The following BET1L variants were observed in gnomAD, a reference collection of about 807,000 sequenced individuals.
BET1L encodes Bet1 golgi vesicular membrane trafficking protein like.
Under a neutral mutation model 12.6 loss-of-function variants are expected in BET1L, and 13 were observed. The ratio of observed to expected loss-of-function variants is 1.03; its 90% CI spans 0.67 to 1.64. The LOEUF (loss-of-function observed/expected upper bound fraction) is 1.64, where lower values mean the gene tolerates loss of function less well. BET1L is among the 40% of genes most tolerant of loss of function. BET1L has a pLI of 0.00. For missense variants in BET1L, 154 were observed against 150.7 expected, an observed-to-expected ratio of 1.02 and a Z score of -0.11; for synonymous variants, 60 against 56.9, an observed-to-expected ratio of 1.05 and a Z score of -0.25.
chr11:205,611 C>T lies in BET1L; in HGVS notation c.168G>A (p.Met56Ile), dbSNP rs780085227. ...ATACACGCACACCGTGGGCCCTTAC[C>T]ATGCCATCCAGGTACCGGTTCTGAT... ...AEDQNRYLDG[M>I]DSDFTSMTSL... Residue 56 changes from methionine to isoleucine, a missense_variant and splice_region_variant, in exon 3 of 4, where the codon ATG (methionine) becomes ATA (isoleucine). By Grantham distance (10) the Met-to-Ile change is conservative (BLOSUM62 1). Coordinates refer to ENST00000382762, the MANE Select transcript of BET1L (RefSeq NM_001098787.2). 8 of 1,613,912 alleles carry T rather than the reference C, an allele frequency of 5.0e-6. No homozygotes were observed. Among genetic ancestry groups the T allele is most frequent in the Non-Finnish European group, 1.7e-6 (2 of 1,179,982 alleles).
At chr11:205,738 C>A in intron 2 of BET1L, 71 bp from the exon 3 acceptor site, 1 of 1,547,358 alleles carries the variant, frequency 6.5e-7, no homozygotes. Flanking sequence ...CCTCCCCAGA[C>A]CAGATAAACC....
rs886902888 is a variant in BET1L at position 203,573 on chromosome 11, G to A, written c.*1729C>T. The stretch of plus-strand genomic sequence containing the variant: ...GGGTTGGCACCTGCAGTGACCAGAT[G>A]GAGATACAATGCAGGCAGCTGCTAC... On this transcript the variant is annotated 3_prime_UTR_variant, in exon 4 of 4. Transcript: ENST00000382762. 6.6e-6 allele frequency: 1 copy of A among 152,602 alleles called. No individual in the cohort carries two copies. Among genetic ancestry groups the A allele is most frequent in the South Asian group, 2.1e-4 (1 of 4,838 alleles). 9.5% of individuals were successfully genotyped at this position (152,602 alleles called of 1,614,324 possible).
At chr11:207,227 C>A (rs923102012) in intron 1 of BET1L, 76 bp downstream of exon 1, 3 of 1,491,908 alleles carry the variant, frequency 2.0e-6, no homozygotes, top group South Asian at 1.2e-5. Context: ...CAGAGGCAGG[C>A]GCACGCGGCT....
rs1214468832 is a variant in BET1L, at chr11:205,434, T to C, written c.204A>G (p.Thr68=). The C allele has an allele frequency of 1.9e-6, 3 of 1,614,102 alleles. No homozygotes were observed. Among genetic ancestry groups the C allele is most frequent in the Admixed American group, 1.7e-5 (1 of 60,006 alleles). The change falls in exon 4 of 4, where the codon ACA becomes ACG. Residue 68 remains threonine, a synonymous_variant. Transcript: ENST00000382762. ...SDFTSMTSLL[T]GSVKRFSTMA... is the part of the protein sequence containing the mutation. Reference sequence around the variant, plus strand: ...TTGTGGAAAAGCGCTTCACGCTCCCTGTAAGCAGGCTGGTCATGCTTGTGA... The same window carrying C: ...TTGTGGAAAAGCGCTTCACGCTCCCCGTAAGCAGGCTGGTCATGCTTGTGA...
In BET1L at chr11:206,123, G is replaced by A. The variant is rs925275714; in HGVS notation, c.20-80C>T. ...CCCCTCTCACTCCAACCACATCTGG[G>A]TGAGTCAGAAATCTAGGGGGCCCTA... On this transcript the variant is annotated intron_variant, in intron 1 of 3. Transcript: ENST00000382762. 9 of 1,286,960 alleles carry A rather than the reference G, an allele frequency of 7.0e-6. No homozygotes were observed. The Admixed American group carries it at 1.4e-4, about 21-fold the overall frequency. 79.7% of individuals were successfully genotyped at this position (1,286,960 alleles called of 1,614,324 possible).
rs940389702 is a variant in BET1L, at chr11:205,233, G to A, written c.*69C>T. 2.4e-5 allele frequency: 36 copies of A among 1,526,230 alleles called. No individual in the cohort carries two copies. The South Asian group carries it at 3.9e-4, about 16-fold the overall frequency. The allele number at this position is 1,526,230 out of a possible 1,614,324, so 94.5% of individuals were successfully genotyped here. On this transcript the variant is annotated 3_prime_UTR_variant, in exon 4 of 4. Transcript: ENST00000382762. ...GAGTATTTTGTAGGTAAGTCCTCTG[G>A]AGCCCAAAACACCAGGCAGGGAAGA... is the stretch of plus-strand genomic sequence containing the variant.
chr11:207,380 T>TGGCCACAGCCGCCTCAGACGA lies in BET1L; in HGVS notation c.-60_-59insTCGTCTGAGGCGGCTGTGGCC. 1 of 1,501,664 alleles carries TGGCCACAGCCGCCTCAGACGA rather than the reference T, an allele frequency of 6.7e-7. No homozygotes were observed. 93.0% of individuals were successfully genotyped at this position (1,501,664 alleles called of 1,614,324 possible). On this transcript the variant is annotated 5_prime_UTR_variant, in exon 1 of 4. Coordinates refer to ENST00000382762, the MANE Select transcript of BET1L (RefSeq NM_001098787.2). ...GACGCGGCCACAGCCGCCTCAGACGTGGCGCAGTCGCGGGGAAAGAGCTTC... is the reference window on the plus strand; with the variant it reads ...GACGCGGCCACAGCCGCCTCAGACGTGGCCACAGCCGCCTCAGACGAGGCGCAGTCGCGGGGAAAGAGCTTC...
chr11:205,127 A>G lies in BET1L; in HGVS notation c.*175T>C. 1 of 834,680 alleles carries G rather than the reference A, an allele frequency of 1.2e-6. No homozygotes were observed. 51.7% of individuals were successfully genotyped at this position (834,680 alleles called of 1,614,324 possible). On this transcript the variant is annotated 3_prime_UTR_variant, in exon 4 of 4. Coordinates refer to ENST00000382762, the MANE Select transcript of BET1L (RefSeq NM_001098787.2). ...CCTTTCACACATGGGACCAGCCAACATGAGCTCATCAGGTCACAGGCAGCC... is the reference window on the plus strand; with the variant it reads ...CCTTTCACACATGGGACCAGCCAACGTGAGCTCATCAGGTCACAGGCAGCC...
intron 1 of BET1L, 89 bp from the exon 2 acceptor site, chr11:206,132 A>C: frequency 8.7e-7 from 1 of 1,152,324 alleles, no homozygotes; most frequent in Middle Eastern, 2.1e-4. Flanking sequence ...GGTGAGTCAG[A>C]AATCTAGGGG....
chr11:207,386 A>T lies in BET1L; in HGVS notation c.-65T>A. 1 of 1,268,876 alleles carries T rather than the reference A, an allele frequency of 7.9e-7. No homozygotes were observed. The highest frequency in any genetic ancestry group is 9.9e-7 in the Non-Finnish European group (1 of 1,009,256). 78.6% of individuals were successfully genotyped at this position (1,268,876 alleles called of 1,614,324 possible). Reference sequence around the variant, plus strand: ...GCCACAGCCGCCTCAGACGTGGCGCAGTCGCGGGGAAAGAGCTTCCGGCCC... The same window carrying T: ...GCCACAGCCGCCTCAGACGTGGCGCTGTCGCGGGGAAAGAGCTTCCGGCCC... On this transcript the variant is annotated 5_prime_UTR_variant, in exon 1 of 4. Transcript: ENST00000382762.
chr11:205,703 A>T (rs1414126694), intron 2 of BET1L, 36 bp from the exon 3 acceptor site: 4 of 1,593,380 alleles, frequency 2.5e-6, no homozygotes, highest in Admixed American at 3.4e-5. Context: ...GTTGGGCCAG[A>T]GCAGACACAT....
chr11:206,703 G>A (rs1475195166), intron 1 of BET1L, among the ~76,000 whole-genome samples: 1 of 152,166 alleles, frequency 6.6e-6, no homozygotes, highest in African/African-American at 2.4e-5. Flanking sequence ...GTGACAGGCT[G>A]GGCCAGGGGA....
chr11:207,354 C>G lies in BET1L; in HGVS notation c.-33G>C. 9.1e-7 allele frequency: 1 copy of G among 1,099,356 alleles called. No homozygotes were observed. Among genetic ancestry groups the G allele is most frequent in the South Asian group, 1.4e-5 (1 of 73,030 alleles). 68.1% of individuals were successfully genotyped at this position (1,099,356 alleles called of 1,614,324 possible). ...TGCCCCGGCTCCTCGACGCGGACACCGACGCGGCCACAGCCGCCTCAGACG... is the reference window on the plus strand; with the variant it reads ...TGCCCCGGCTCCTCGACGCGGACACGGACGCGGCCACAGCCGCCTCAGACG... On this transcript the variant is annotated 5_prime_UTR_variant, in exon 1 of 4. Transcript: ENST00000382762.
Position 205,607 on chromosome 11 carries a change from T to C in BET1L, c.168+4A>G, listed in dbSNP as rs1254388635. On this transcript the variant is annotated splice_donor_region_variant and intron_variant, in intron 3 of 3. Transcript: ENST00000382762. The stretch of plus-strand genomic sequence containing the variant: ...ACTGATACACGCACACCGTGGGCCC[T>C]TACCATGCCATCCAGGTACCGGTTC... 1.2e-6 allele frequency: 2 copies of C among 1,613,852 alleles called. No individual in the cohort carries two copies. The highest frequency in any genetic ancestry group is 1.7e-6 in the Non-Finnish European group (2 of 1,179,950).
intron 1 of BET1L, chr11:206,981 C>G (rs1855179487): frequency 9.4e-6 from 4 of 423,368 alleles, no homozygotes; most frequent in Non-Finnish European, 1.7e-5. Flanking sequence ...GGCCTCGGGA[C>G]CTGTCGAATG....
At chr11:205,573 G>A (rs145574095) in intron 3 of BET1L, 38 bp downstream of exon 3, 1 of 1,614,098 alleles carries the variant, frequency 6.2e-7, no homozygotes, top group Non-Finnish European at 8.5e-7. Flanking sequence ...GGTAGTGCTA[G>A]GGCAGGGCAC....
chr11:206,721 G>GTTC (rs1406545895), intron 1 of BET1L, among the ~76,000 whole-genome samples: 3 of 152,232 alleles, frequency 2.0e-5, no homozygotes, highest in African/African-American at 7.2e-5. Context: ...GGATAAGGAA[G>GTTC]TTCTGTCACA....
At position 203,545 on chromosome 11, in the gene BET1L, G is replaced by A. The variant is rs958756621; in HGVS notation, c.*1757C>T. 3.3e-5 allele frequency: 5 copies of A among 152,592 alleles called. No homozygotes were observed. The highest frequency in any genetic ancestry group is 1.2e-4 in the African/African-American group (5 of 41,462). 9.5% of individuals were successfully genotyped at this position (152,592 alleles called of 1,614,324 possible). A position where few individuals can be genotyped will look rare whatever the true frequency, so the allele number is the denominator to read the frequency against. On this transcript the variant is annotated 3_prime_UTR_variant, in exon 4 of 4. Coordinates refer to ENST00000382762, the MANE Select transcript of BET1L (RefSeq NM_001098787.2). ...CATGGCCCAGGAAAACATGGGGGAT[G>A]AAGGGTTGGCACCTGCAGTGACCAG...
chr11:205,499 A>G, intron 3 of BET1L, 30 bp from the exon 4 acceptor site: 1 of 1,614,190 alleles, frequency 6.2e-7, no homozygotes, highest in South Asian at 1.1e-5. Context: ...AAGATCACAC[A>G]GAAGTGGTGA....
Sources: allele counts gnomAD v4.1 joint callset (sites outside exome capture counted in the v4.1 genomes callset), GRCh38; gene constraint gnomAD v4.1.1; transcripts MANE v1.5; gene names NCBI Gene and HGNC (gene_info 2026-07-23, HGNC 2026-07-21).